Variants in WT1 observed in about 807,000 individuals in gnomAD.
WT1 encodes WT1 transcription factor.
Under a neutral mutation model 60.8 loss-of-function variants are expected in WT1, and 8 were observed. The observed-to-expected ratio is 0.13, with a 90% confidence interval of 0.08 to 0.24. WT1 has a LOEUF of 0.24. WT1 is among the 10% of genes least tolerant of loss of function. WT1 has a pLI of 1.00. For synonymous variants in WT1, 312 were observed against 297.1 expected (o/e 1.05, Z -0.52); for missense variants, 568 against 711.8 (o/e 0.80, Z 2.30).
chr11:32,409,669 T>C (rs1852433106), intron 5 of WT1, among the ~76,000 whole-genome samples: 1 of 152,156 alleles, frequency 6.6e-6, no homozygotes, highest in Non-Finnish European at 1.5e-5. Context: ...CTTGCTATAT[T>C]GACCAGGCTG....
At chr11:32,421,269 C>T (rs1271494509) in intron 3 of WT1, among the ~76,000 whole-genome samples, 1 of 152,210 alleles carries the variant, frequency 6.6e-6, no homozygotes, top group Admixed American at 6.5e-5. Context: ...GAGCCTCTGG[C>T]AAATGAAGCA....
chr11:32,397,322 T>C (rs2132945707), intron 6 of WT1, among the ~76,000 whole-genome samples: 1 of 151,856 alleles, frequency 6.6e-6, no homozygotes, highest in South Asian at 2.1e-4. Context: ...ATGTTTTGGT[T>C]TTGTTTGTTC....
At chr11:32,405,217 A>C (rs937077395) in intron 5 of WT1, among the ~76,000 whole-genome samples, 12 of 152,186 alleles carry the variant, frequency 7.9e-5, no homozygotes, top group Non-Finnish European at 5.9e-5. Context: ...CAACAGAGGC[A>C]GCCACGACTC....
At position 32,435,006 on chromosome 11, in the gene WT1, A is replaced by G. The variant is rs1187111469; in HGVS notation, c.355T>C (p.Ser119Pro). 4 of 1,491,374 alleles carry G rather than the reference A, an allele frequency of 2.7e-6. No homozygotes were observed. The highest frequency in any genetic ancestry group is 3.5e-6 in the Non-Finnish European group (4 of 1,130,712). The allele number at this position is 1,491,374 out of a possible 1,614,324, so 92.4% of individuals were successfully genotyped here. Residue 119 changes from serine to proline, a missense_variant, in exon 1 of 10, where the codon TCG becomes CCG. Ser to Pro is a moderately conservative substitution (Grantham distance 74). This residue lies in a region of WT1 where 523 missense variants were observed against 565.1 expected (regional missense o/e 0.93). Coordinates refer to ENST00000452863, the MANE Select transcript of WT1 (RefSeq NM_024426.6). ...GGGCCGCCCAACGACCCGTAAGCCG[A>G]AGCGCCCGGGGGCGCAAAGTCCAGC...
intron 3 of WT1, among the ~76,000 whole-genome samples, chr11:32,420,248 T>C (rs1463491316): frequency 6.6e-6 from 1 of 152,218 alleles, no homozygotes; most frequent in Non-Finnish European, 1.5e-5. Context: ...AAATTACATG[T>C]ATGGCTTGTG....
intron 5 of WT1, 137 bp from the exon 6 acceptor site, chr11:32,400,181 G>T: frequency 9.6e-7 from 1 of 1,044,426 alleles, no homozygotes; most frequent in South Asian, 1.4e-5. Context: ...TCCCTCCATG[G>T]GGCCACTTTA....
chr11:32,411,834 G>A (rs911618082), intron 5 of WT1, among the ~76,000 whole-genome samples: 2 of 152,126 alleles, frequency 1.3e-5, no homozygotes, highest in Non-Finnish European at 2.9e-5. Context: ...CGTTCTGGTT[G>A]GCAGGGTTAA....
At chr11:32,425,988 GC>G (rs1853021818) in intron 3 of WT1, among the ~76,000 whole-genome samples, 1 of 152,168 alleles carries the variant, frequency 6.6e-6, no homozygotes, top group African/African-American at 2.4e-5. Flanking sequence ...CTGGAGAATT[GC>G]TATTAAACCA....
chr11:32,411,891 A>C (rs1177736821), intron 5 of WT1, among the ~76,000 whole-genome samples: 1 of 152,042 alleles, frequency 6.6e-6, no homozygotes, highest in Non-Finnish European at 1.5e-5. Context: ...AAGAAAAAAA[A>C]CTCTTTAAAT....
intron 5 of WT1, among the ~76,000 whole-genome samples, chr11:32,402,540 A>G (rs901386109): frequency 6.6e-6 from 1 of 152,162 alleles, no homozygotes; most frequent in African/African-American, 2.4e-5. Flanking sequence ...CCACAATGTG[A>G]CTTACACATT....
rs1852109808 is a variant in WT1 at position 32,400,151 on chromosome 11, A to C, written c.1017-107T>G. The C allele has an allele frequency of 2.1e-6, 3 of 1,416,150 alleles. No homozygotes were observed. In the Admixed American group the frequency reaches 5.8e-5, roughly 27 times the overall value. 87.7% of individuals were successfully genotyped at this position (1,416,150 alleles called of 1,614,324 possible). A position where few individuals can be genotyped will look rare whatever the true frequency, so the allele number is the denominator to read the frequency against. On this transcript the variant is annotated intron_variant, in intron 5 of 9. Transcript: ENST00000452863. ...TGATGGTTTTTAAAGCTCACAGAAC[A>C]AAAATAGTTGGTTTTTGCCTCCCTC...
chr11:32,427,918 T>C, intron 3 of WT1, 38 bp downstream of exon 3: 3 of 1,569,818 alleles, frequency 1.9e-6, no homozygotes, highest in Non-Finnish European at 2.6e-6. Context: ...CCCTCCGGGG[T>C]CCCAAGGACC....
At chr11:32,423,889 G>A (rs1487462010) in intron 3 of WT1, among the ~76,000 whole-genome samples, 2 of 152,148 alleles carry the variant, frequency 1.3e-5, no homozygotes, top group Non-Finnish European at 2.9e-5. Context: ...TTGGCCTGGT[G>A]CGGTGGCTCA....
intron 5 of WT1, among the ~76,000 whole-genome samples, chr11:32,413,148 A>G (rs1392302515): frequency 2.0e-5 from 3 of 152,198 alleles, no homozygotes; most frequent in Admixed American, 1.3e-4. Flanking sequence ...GAGGTGCATG[A>G]TCTTTTAATA....
intron 6 of WT1, among the ~76,000 whole-genome samples, chr11:32,398,957 C>T (rs1015156822): frequency 6.6e-6 from 1 of 150,594 alleles, no homozygotes; most frequent in Admixed American, 6.6e-5. Flanking sequence ...GAGATCAAGA[C>T]CATCCTGGCT....
At chr11:32,424,727 T>A (rs1852969432) in intron 3 of WT1, among the ~76,000 whole-genome samples, 4 of 152,160 alleles carry the variant, frequency 2.6e-5, no homozygotes, top group Admixed American at 2.6e-4. Flanking sequence ...TCCTCAGAAC[T>A]GTCACCTGAG....
chr11:32,430,005 A>T (rs563140991), intron 1 of WT1, among the ~76,000 whole-genome samples: 1 of 151,524 alleles, frequency 6.6e-6, no homozygotes, highest in Admixed American at 6.6e-5. Flanking sequence ...AAAGAAAAAA[A>T]AAAAGCTTCT....
intron 3 of WT1, among the ~76,000 whole-genome samples, chr11:32,427,019 G>GGGGC: frequency 6.6e-6 from 1 of 152,216 alleles, no homozygotes; most frequent in East Asian, 1.9e-4. Flanking sequence ...CCCGCGCGGA[G>GGGGC]GGGAGGGAGG....
chr11:32,396,872 G>A (rs894718128), intron 6 of WT1, among the ~76,000 whole-genome samples: 1 of 152,130 alleles, frequency 6.6e-6, no homozygotes, highest in Non-Finnish European at 1.5e-5. Context: ...GAAAAAAGTG[G>A]GATAATGAAT....
Sources: gnomAD v4.1 joint callset for allele counts (sites outside exome capture counted in the v4.1 genomes callset) on GRCh38, gnomAD v4.1.1 for gene constraint, gnomAD v4.1.1 regional missense constraint, MANE v1.5 for transcripts, NCBI Gene and HGNC (gene_info 2026-07-23, HGNC 2026-07-21) for gene names.